The following EIF3H variants were observed in gnomAD, a reference collection of about 807,000 sequenced individuals.
EIF3H encodes eIF-3-gamma.
EIF3H carries 26 observed loss-of-function variants against 44.2 expected under a neutral mutation model. The observed-to-expected ratio is 0.59, with a 90% CI of 0.43 to 0.82. The LOEUF is 0.82. EIF3H is among the 40% of genes least tolerant of loss of function. The pLI, the probability that EIF3H is intolerant of heterozygous loss-of-function variation, is 0.00. For missense variants in EIF3H, 359 were observed against 432.8 expected (o/e 0.83, Z 1.51); for synonymous variants, 166 against 151.9 (o/e 1.09, Z -0.68).
intron 2 of EIF3H, among the ~76,000 whole-genome samples, chr8:116,671,970 C>T (rs992797989): frequency 3.3e-5 from 5 of 152,300 alleles, no homozygotes; most frequent in Admixed American, 2.0e-4. Flanking sequence ...AAAACCTCCG[C>T]AAAACCTAAA....
chr8:116,747,073 T>A (rs1006660277), intron 1 of EIF3H, among the ~76,000 whole-genome samples: 1 of 113,556 alleles, frequency 8.8e-6, no homozygotes, highest in Non-Finnish European at 1.9e-5. Context: ...TGTTTTTTTG[T>A]TTTTTTTGAG....
chr8:116,731,612 C>T (rs1190686713), intron 1 of EIF3H, among the ~76,000 whole-genome samples: 1 of 152,108 alleles, frequency 6.6e-6, no homozygotes, highest in Non-Finnish European at 1.5e-5. Flanking sequence ...ATAAATATCA[C>T]CCTAATAAGA....
At chr8:116,668,968 T>C (rs1813710295) in intron 2 of EIF3H, among the ~76,000 whole-genome samples, 1 of 151,878 alleles carries the variant, frequency 6.6e-6, no homozygotes, top group African/African-American at 2.4e-5. Context: ...CTCCATGGAG[T>C]GTTACGCAAG....
intron 1 of EIF3H, among the ~76,000 whole-genome samples, chr8:116,750,135 T>C (rs1334441420): frequency 6.6e-6 from 1 of 152,294 alleles, no homozygotes; most frequent in Admixed American, 6.5e-5. Context: ...CCCCAGCATG[T>C]AGCAGGGCTA....
chr8:116,663,541 A>G (rs865786560), intron 2 of EIF3H, among the ~76,000 whole-genome samples: 70 of 152,298 alleles, frequency 4.6e-4, no homozygotes, highest in African/African-American at 1.6e-3. Flanking sequence ...TGTTTAAGAG[A>G]AGGACTTAGT....
At chr8:116,761,372 C>T (rs957743282) in intron 1 of EIF3H, among the ~76,000 whole-genome samples, 6 of 150,130 alleles carry the variant, frequency 4.0e-5, no homozygotes, top group African/African-American at 1.5e-4. Flanking sequence ...ATCAGCCAGG[C>T]GTGGTGGTGG....
At chr8:116,713,323 T>C (rs535780805) in intron 2 of EIF3H, among the ~76,000 whole-genome samples, 2 of 152,232 alleles carry the variant, frequency 1.3e-5, no homozygotes, top group East Asian at 1.9e-4. Flanking sequence ...CACTTATGCT[T>C]TGGGGACTAA....
rs1813276708 is a variant in EIF3H at position 116,645,079 on chromosome 8, T to C, written c.986A>G (p.Asn329Ser). 1 of 1,613,998 alleles carries C rather than the reference T, an allele frequency of 6.2e-7. No individual in the cohort carries two copies. Among genetic ancestry groups the C allele is most frequent in the Admixed American group, 1.7e-5 (1 of 59,994 alleles). Residue 329 changes from asparagine to serine, a missense_variant, in exon 8 of 8, where the codon AAC becomes AGC. By Grantham distance (46) the Asn-to-Ser change is conservative. Coordinates refer to ENST00000521861, the MANE Select transcript of EIF3H (RefSeq NM_003756.3). ...GTTTTGGGCAGTGAACTCCTTGATG[T>C]TCTGGCAGTAAGTGTTTATCTGGCC... ...IAGQINTYCQ[N>S]IKEFTAQNLG... is the part of the protein sequence containing the mutation.
intron 2 of EIF3H, among the ~76,000 whole-genome samples, chr8:116,680,201 G>GGGA (rs1554599280): frequency 2.0e-5 from 1 of 50,642 alleles, no homozygotes; most frequent in African/African-American, 6.7e-5. Context: ...GGGAGGGTGG[G>GGGA]GGGGGGGGTC....
At chr8:116,739,931 T>C (rs73701465) in intron 1 of EIF3H, among the ~76,000 whole-genome samples, 20,631 of 152,052 alleles carry the variant, frequency 0.14, 1,632 homozygotes, top group East Asian at 0.42. Context: ...CCCCAATCTA[T>C]CACAGACCAA....
chr8:116,642,788 T>C lies in EIF3H; in HGVS notation c.*2218A>G, dbSNP rs1813240724. The C allele has an allele frequency of 6.6e-6, 1 of 152,224 alleles. No homozygotes were observed. The allele number at this position is 152,224 out of a possible 1,614,324, so 9.4% of individuals were successfully genotyped here. On this transcript the variant is annotated 3_prime_UTR_variant, in exon 8 of 8. Coordinates refer to ENST00000521861, the MANE Select transcript of EIF3H (RefSeq NM_003756.3). The stretch of plus-strand genomic sequence containing the variant: ...CAAATCAAATGCCGAACAGAAGCTA[T>C]TCCCTAACACTACATACTGTGGCGA...
At position 116,763,329 on chromosome 8, in the gene EIF3H, G is replaced by A. The variant is rs551881958; in HGVS notation, c.-27+2186C>T. Among the ~76,000 whole-genome samples the A allele has an allele frequency of 3.9e-5, 6 of 152,226 alleles. No homozygotes were observed. The East Asian group carries it at 7.7e-4, about 20-fold the overall frequency. On this transcript the variant is annotated intron_variant, in intron 1 of 9. Transcript: ENST00000276682. ...ATCAATATGTAAATATGGAAACATT[G>A]CCAAGAGATACATAATACATCATCA... is the stretch of plus-strand genomic sequence containing the variant.
chr8:116,673,536 A>AT (rs1324692423), intron 2 of EIF3H, among the ~76,000 whole-genome samples: 1 of 152,230 alleles, frequency 6.6e-6, no homozygotes, highest in East Asian at 1.9e-4. Flanking sequence ...TTTGCTCAGA[A>AT]ATAATGCTGT....
At chr8:116,682,053 C>T (rs780792636) in intron 2 of EIF3H, among the ~76,000 whole-genome samples, 9 of 152,192 alleles carry the variant, frequency 5.9e-5, no homozygotes, top group Non-Finnish European at 1.0e-4. Context: ...GACAGAAAAT[C>T]ATAATGTCAA....
intron 1 of EIF3H, among the ~76,000 whole-genome samples, chr8:116,748,735 G>A (rs1448685088): frequency 1.3e-5 from 2 of 152,160 alleles, no homozygotes; most frequent in African/African-American, 4.8e-5. Context: ...ACAGAAACAA[G>A]GACCAAACTG....
chr8:116,715,777 T>C (rs1446578585), intron 2 of EIF3H, among the ~76,000 whole-genome samples: 1 of 152,088 alleles, frequency 6.6e-6, no homozygotes, highest in African/African-American at 2.4e-5. Flanking sequence ...AAGATGAAAA[T>C]ATTTCTCCCT....
intron 2 of EIF3H, among the ~76,000 whole-genome samples, chr8:116,666,776 A>AAAAAAAC (rs1554598153): frequency 6.6e-6 from 1 of 150,860 alleles, no homozygotes; most frequent in African/African-American, 2.4e-5. Flanking sequence ...AAAAAAAAAA[A>AAAAAAAC]TTACACTATG....
chr8:116,730,990 A>G (rs979758547), intron 1 of EIF3H, among the ~76,000 whole-genome samples: 2 of 152,246 alleles, frequency 1.3e-5, no homozygotes, highest in African/African-American at 4.8e-5. Flanking sequence ...AGTCCAAAGC[A>G]CTTCTAATTA....
At chr8:116,675,712 C>A (rs1036883190) in intron 2 of EIF3H, among the ~76,000 whole-genome samples, 18 of 152,132 alleles carry the variant, frequency 1.2e-4, no homozygotes, top group African/African-American at 4.3e-4. Flanking sequence ...GATTATAACA[C>A]AAGGAGAATG....
Sources: gnomAD v4.1 joint callset for allele counts (sites outside exome capture counted in the v4.1 genomes callset) on GRCh38, gnomAD v4.1.1 for gene constraint, MANE v1.5 for transcripts, NCBI Gene and HGNC (gene_info 2026-07-23, HGNC 2026-07-21) for gene names.